SPATA31G1: variants seen among roughly 807,000 people sequenced by gnomAD.
SPATA31G1 encodes SPATA31 subfamily G member 1, also known as spermatogenesis-associated protein 31G1.
chr9:35,044,119 T>C, the SPATA31G1 span: 4 of 1,613,978 alleles, frequency 2.5e-6, no homozygotes, highest in Non-Finnish European at 3.4e-6. Context: ...TCCAAAGCTT[T>C]GTGGGAGACC....
chr9:35,042,104 T>G, the SPATA31G1 span: 1 of 1,182,684 alleles, frequency 8.5e-7, no homozygotes, highest in Non-Finnish European at 1.2e-6. Flanking sequence ...CATTTCACTG[T>G]GTGAAGCATG....
At chr9:35,042,354 A>T in the SPATA31G1 span, 1 of 1,614,264 alleles carries the variant, frequency 6.2e-7, no homozygotes, top group Non-Finnish European at 8.5e-7. Flanking sequence ...CTGCGGCAGC[A>T]GCTGCTTCCA....
the SPATA31G1 span, chr9:35,045,786 G>T: frequency 6.2e-7 from 1 of 1,614,156 alleles, no homozygotes. Flanking sequence ...TACCCTCAAG[G>T]CTTCCCTTAC....
the SPATA31G1 span, chr9:35,044,359 C>A: frequency 6.2e-7 from 1 of 1,614,056 alleles, no homozygotes; most frequent in Non-Finnish European, 8.5e-7. Flanking sequence ...AGAGTTAGAT[C>A]CATGGGGGTC....
At chr9:35,044,270 G>C in the SPATA31G1 span, 32 of 1,614,190 alleles carry the variant, frequency 2.0e-5, no homozygotes, top group Non-Finnish European at 2.6e-5. Flanking sequence ...AGGATACTGA[G>C]CATTCCAGGA....
At chr9:35,045,942 G>C in the SPATA31G1 span, 2 of 1,486,822 alleles carry the variant, frequency 1.3e-6, no homozygotes, top group African/African-American at 2.8e-5. Flanking sequence ...TGGGGATGTG[G>C]AGACAAGAAA....
the SPATA31G1 span, chr9:35,042,377 T>G: frequency 6.2e-7 from 1 of 1,614,194 alleles, no homozygotes; most frequent in Non-Finnish European, 8.5e-7. Context: ...GTCCAGGAAA[T>G]CTGGTGACAC....
the SPATA31G1 span, chr9:35,042,492 G>A: frequency 6.2e-7 from 1 of 1,614,114 alleles, no homozygotes; most frequent in Non-Finnish European, 8.5e-7. Context: ...CAAGGTGGGT[G>A]ACCTGTGACT....
chr9:35,042,114 G>A, the SPATA31G1 span: 3 of 1,295,612 alleles, frequency 2.3e-6, no homozygotes, highest in South Asian at 4.7e-5. Flanking sequence ...TGTGAAGCAT[G>A]AATTGCCTGA....
the SPATA31G1 span, chr9:35,042,724 T>G: frequency 8.1e-7 from 1 of 1,232,996 alleles, no homozygotes; most frequent in Non-Finnish European, 1.1e-6. Context: ...TGAGGAGCTG[T>G]GTAGGTGACT....
the SPATA31G1 span, chr9:35,042,329 C>A: frequency 6.2e-7 from 1 of 1,614,188 alleles, no homozygotes; most frequent in Non-Finnish European, 8.5e-7. Context: ...TGACCCATGC[C>A]CTAGCCTGCA....
At chr9:35,043,346 C>T in the SPATA31G1 span, 14 of 1,614,194 alleles carry the variant, frequency 8.7e-6, no homozygotes, top group Admixed American at 1.7e-4. Flanking sequence ...TACCTAGGTC[C>T]AACCTGTTGC....
At chr9:35,044,839 A>G in the SPATA31G1 span, 1 of 1,614,078 alleles carries the variant, frequency 6.2e-7, no homozygotes, top group South Asian at 1.1e-5. Context: ...ACCCTAGCTG[A>G]AGCTGTGAAG....
chr9:35,041,318 G>A, the SPATA31G1 span: 1 of 219,240 alleles, frequency 4.6e-6, no homozygotes, highest in Non-Finnish European at 9.4e-6. Flanking sequence ...AATGTTAACA[G>A]AGGTCTTTGA....
At chr9:35,045,983 TA>T in the SPATA31G1 span, 304 of 1,299,334 alleles carry the variant, frequency 2.3e-4, no homozygotes, top group African/African-American at 4.2e-3. Context: ...CTGAATTAGA[TA>T]AATCCCATTC....
chr9:35,044,406 A>C, the SPATA31G1 span: 1 of 1,613,988 alleles, frequency 6.2e-7, no homozygotes. Flanking sequence ...GGACATACAA[A>C]AGACAAAAAA....
the SPATA31G1 span, chr9:35,045,425 A>G: frequency 6.2e-7 from 1 of 1,614,014 alleles, no homozygotes; most frequent in African/African-American, 1.3e-5. Flanking sequence ...CAGGCAAGAG[A>G]AAGGACAAGG....
chr9:35,042,897 C>T, the SPATA31G1 span: 27 of 1,614,010 alleles, frequency 1.7e-5, no homozygotes, highest in Non-Finnish European at 2.1e-5. Flanking sequence ...CTTCCTTGAT[C>T]ACCTGTGTAA....
At chr9:35,045,288 G>C in the SPATA31G1 span, 2 of 1,614,106 alleles carry the variant, frequency 1.2e-6, no homozygotes, top group East Asian at 2.2e-5. Flanking sequence ...GTCTCAGAGA[G>C]GGGAGAAAAT....
Sources: gnomAD v4.1 joint callset for allele counts on GRCh38, gnomAD v4.1.1 for gene constraint, MANE v1.5 for transcripts, NCBI Gene and HGNC (gene_info 2026-07-23, HGNC 2026-07-21) for gene names.